Variants in SLC7A11 observed in about 807,000 individuals in gnomAD.
The protein encoded by SLC7A11 is solute carrier family 7 member 11.
In SLC7A11, 35 loss-of-function variants were observed where a neutral mutation model predicts 54.5. The observed-to-expected ratio is 0.64, with a 90% CI of 0.49 to 0.85. The LOEUF is 0.85. Among genes scored for constraint, SLC7A11 ranks in the 40% least tolerant of loss-of-function variants. The pLI is 0.00. For synonymous variants in SLC7A11, 230 were observed against 225.2 expected (o/e 1.02, Z -0.19); for missense variants, 583 against 618.1 (o/e 0.94, Z 0.60).
At chr4:138,237,710 TATATATATATATATATATATATATA>T (rs1560742396) in intron 1 of SLC7A11, among the ~76,000 whole-genome samples, 1 of 5,648 alleles carries the variant, frequency 1.8e-4, no homozygotes, top group African/African-American at 5.7e-4. Flanking sequence ...AATATATATA[TATATATATATATATATATATATATA>T]TATTTTTTTT....
chr4:138,214,853 A>G (rs1737642485), intron 5 of SLC7A11, among the ~76,000 whole-genome samples: 2 of 152,156 alleles, frequency 1.3e-5, no homozygotes, highest in South Asian at 4.1e-4. Flanking sequence ...TGGTAAGCCC[A>G]TAGTCTTAAG....
chr4:138,165,849 G>A lies in SLC7A11; in HGVS notation c.*6107C>T, dbSNP rs1035311110. The A allele has an allele frequency of 3.9e-5, 6 of 152,080 alleles. No individual in the cohort carries two copies. Among genetic ancestry groups the A allele is most frequent in the African/African-American group, 1.4e-4 (6 of 41,412 alleles). 9.4% of individuals were successfully genotyped at this position (152,080 alleles called of 1,614,324 possible). A position where few individuals can be genotyped will look rare whatever the true frequency, so the allele number is the denominator to read the frequency against. On this transcript the variant is annotated 3_prime_UTR_variant, in exon 12 of 12. Coordinates refer to ENST00000280612, the MANE Select transcript of SLC7A11 (RefSeq NM_014331.4). Reference sequence around the variant, plus strand: ...TAACATTCATAAGGAAAAACTATTAGGTAACAATTTTCTCCAAGAAGAGGA... The same window carrying A: ...TAACATTCATAAGGAAAAACTATTAAGTAACAATTTTCTCCAAGAAGAGGA...
At chr4:138,230,359 C>T (rs750085376) in intron 3 of SLC7A11, among the ~76,000 whole-genome samples, 15 of 149,194 alleles carry the variant, frequency 1.0e-4, no homozygotes, top group South Asian at 2.1e-4. Context: ...CCCCATGACA[C>T]GAGTTTACCT....
intron 4 of SLC7A11, 145 bp from the exon 5 acceptor site, chr4:138,219,510 G>C (rs1425581466): frequency 3.4e-6 from 2 of 580,712 alleles, no homozygotes; most frequent in Non-Finnish European, 6.1e-6. Flanking sequence ...TATCAATACT[G>C]TACCCATTCT....
chr4:138,196,161 C>T (rs1417412484), intron 6 of SLC7A11, among the ~76,000 whole-genome samples: 4 of 152,048 alleles, frequency 2.6e-5, no homozygotes. Flanking sequence ...CTGCCCCTAG[C>T]CAAAATTATT....
intron 6 of SLC7A11, among the ~76,000 whole-genome samples, chr4:138,191,809 T>C (rs1362939104): frequency 6.6e-6 from 1 of 152,134 alleles, no homozygotes; most frequent in Non-Finnish European, 1.5e-5. Context: ...TCTCATTTTC[T>C]AAAGACTTAG....
At position 138,179,268 on chromosome 4, in the gene SLC7A11, A is replaced by G. The variant is rs1279883951; in HGVS notation, c.1393T>C (p.Tyr465His). Residue 465 changes from tyrosine (Y) to histidine (H), a missense_variant, in exon 11 of 12, where the codon TAT (tyrosine) becomes CAT (histidine). Physicochemically the swap from Tyr to His is moderately conservative, Grantham distance 83 (BLOSUM62 2). Coordinates refer to ENST00000280612, the MANE Select transcript of SLC7A11 (RefSeq NM_014331.4). ...TTCTTGTCCCATATAATAAAGAGAT[A>G]ATACGCAGGGACTCCAGTCAGAGTG... The part of the protein sequence containing the change: ...VITLTGVPAY[Y>H]LFIIWDKKPR... 1 of 1,612,586 alleles carries G rather than the reference A, an allele frequency of 6.2e-7. No homozygotes were observed. The highest frequency in any genetic ancestry group is 1.7e-5 in the Admixed American group (1 of 59,926).
rs917339438 is a variant in SLC7A11, at chr4:138,226,028, T to C, written c.521-2704A>G. Among the ~76,000 whole-genome samples, 12 of 152,264 alleles carry C rather than the reference T, an allele frequency of 7.9e-5. No individual in the cohort carries two copies. The South Asian group carries it at 8.3e-4, about 11-fold the overall frequency. ...AAAGAGTATAAGTACCTAATGTCTATTGAAATATTAAAAAAACTGGGTATT... is the reference window on the plus strand; with the variant it reads ...AAAGAGTATAAGTACCTAATGTCTACTGAAATATTAAAAAAACTGGGTATT... On this transcript the variant is annotated intron_variant, in intron 3 of 11. Coordinates refer to ENST00000280612, the MANE Select transcript of SLC7A11 (RefSeq NM_014331.4).
intron 5 of SLC7A11, among the ~76,000 whole-genome samples, chr4:138,215,783 A>T (rs1422855588): frequency 6.6e-6 from 1 of 152,070 alleles, no homozygotes; most frequent in African/African-American, 2.4e-5. Flanking sequence ...ACACTAAAAA[A>T]CAAACACCAC....
In SLC7A11 at chr4:138,164,815, C is replaced by T. The variant is rs946592634; in HGVS notation, c.*7141G>A. 3 of 152,006 alleles carry T rather than the reference C, an allele frequency of 2.0e-5. No homozygotes were observed. Among genetic ancestry groups the T allele is most frequent in the Non-Finnish European group, 4.4e-5 (3 of 67,974 alleles). The allele number at this position is 152,006 out of a possible 1,614,324, so 9.4% of individuals were successfully genotyped here. ...TGTGTTTTCAATCACTAGACCAAACCCACGATGCCCCTGAAATTCTGGGAA... is the reference window on the plus strand; with the variant it reads ...TGTGTTTTCAATCACTAGACCAAACTCACGATGCCCCTGAAATTCTGGGAA... On this transcript the variant is annotated 3_prime_UTR_variant, in exon 12 of 12. Coordinates refer to ENST00000280612, the MANE Select transcript of SLC7A11 (RefSeq NM_014331.4).
chr4:138,224,206 C>T (rs1737885422), intron 3 of SLC7A11, among the ~76,000 whole-genome samples: 1 of 152,084 alleles, frequency 6.6e-6, no homozygotes, highest in Non-Finnish European at 1.5e-5. Context: ...ATCTAAGGCA[C>T]AAGGGAAATG....
intron 6 of SLC7A11, among the ~76,000 whole-genome samples, chr4:138,193,582 T>G (rs979649399): frequency 6.6e-6 from 1 of 152,070 alleles, no homozygotes; most frequent in African/African-American, 2.4e-5. Context: ...CGGGTGGACC[T>G]GAGGTCAGGA....
intron 6 of SLC7A11, among the ~76,000 whole-genome samples, chr4:138,196,452 A>T (rs1257304364): frequency 1.3e-5 from 2 of 152,098 alleles, no homozygotes; most frequent in African/African-American, 4.8e-5. Context: ...TAAATATACA[A>T]CAGCCAGTTC....
intron 6 of SLC7A11, among the ~76,000 whole-genome samples, chr4:138,193,939 A>G (rs78160348): frequency 0.13 from 20,062 of 152,202 alleles, 1,417 homozygotes; most frequent in African/African-American, 0.17. Context: ...ATACTCTTAG[A>G]GTAATTAAGG....
chr4:138,180,566 A>G lies in SLC7A11; in HGVS notation c.1266+75T>C, dbSNP rs1339052616. ...CTGCCCCCAGCCCAACCTCCCCATC[A>G]GCAAGTTATGACAAAGGGAGGACTA... On this transcript the variant is annotated intron_variant, in intron 10 of 11. Transcript: ENST00000280612. The G allele has an allele frequency of 8.2e-6, 12 of 1,466,096 alleles. No individual in the cohort carries two copies. In the African/African-American group the frequency reaches 1.7e-4, roughly 21 times the overall value. 90.8% of individuals were successfully genotyped at this position (1,466,096 alleles called of 1,614,324 possible).
rs775269078 is a variant in SLC7A11 at position 138,165,965 on chromosome 4, A to G, written c.*5991T>C. ...CTTTTCTTCTTTCAGAGCAATAAGA[A>G]AGTTATTTGGGGTAGTACTTGAAAT... is the stretch of plus-strand genomic sequence containing the variant. On this transcript the variant is annotated 3_prime_UTR_variant, in exon 12 of 12. Coordinates refer to ENST00000280612, the MANE Select transcript of SLC7A11 (RefSeq NM_014331.4). 1.3e-5 allele frequency: 2 copies of G among 152,166 alleles called. No individual in the cohort carries two copies. The highest frequency in any genetic ancestry group is 2.9e-5 in the Non-Finnish European group (2 of 68,016). 9.4% of individuals were successfully genotyped at this position (152,166 alleles called of 1,614,324 possible).
intron 7 of SLC7A11, among the ~76,000 whole-genome samples, chr4:138,184,039 A>T (rs1268321012): frequency 6.6e-6 from 1 of 152,150 alleles, no homozygotes; most frequent in Non-Finnish European, 1.5e-5. Flanking sequence ...TGAAGGATGT[A>T]TTTTCCAAAA....
intron 6 of SLC7A11, among the ~76,000 whole-genome samples, chr4:138,198,089 A>T (rs1174447886): frequency 5.4e-5 from 8 of 149,156 alleles, no homozygotes; most frequent in Admixed American, 4.0e-4. Flanking sequence ...TATCAGGTTT[A>T]AAAAAAAAAT....
At chr4:138,221,665 C>T (rs1337846945) in intron 4 of SLC7A11, among the ~76,000 whole-genome samples, 1 of 152,164 alleles carries the variant, frequency 6.6e-6, no homozygotes, top group Non-Finnish European at 1.5e-5. Context: ...CAAGATATAT[C>T]ATGACCTCTG....
Sources: allele counts gnomAD v4.1 joint callset (sites outside exome capture counted in the v4.1 genomes callset), GRCh38; gene constraint gnomAD v4.1.1; transcripts MANE v1.5; gene names NCBI Gene and HGNC (gene_info 2026-07-23, HGNC 2026-07-21).